Variants in SLC25A42 observed in about 807,000 individuals in gnomAD.
The protein encoded by SLC25A42 is solute carrier family 25 member 42.
In SLC25A42, 19 loss-of-function variants were observed where a neutral mutation model predicts 34.7. The ratio of observed to expected loss-of-function variants is 0.55; its 90% confidence interval spans 0.38 to 0.80. SLC25A42 has a LOEUF of 0.80. Ranked by LOEUF, SLC25A42 falls within the 30% of genes least tolerant of loss-of-function variation. The pLI is 0.00. For missense variants in SLC25A42, 364 were observed against 441.3 expected, an observed-to-expected ratio of 0.82 and a Z score of 1.57; for synonymous variants, 205 against 191.2, an observed-to-expected ratio of 1.07 and a Z score of -0.59.
rs921741892 is a variant in SLC25A42, at chr19:19,112,922, G to GC, written c.*2053dup. 1.3e-4 allele frequency: 20 copies of GC among 149,426 alleles called. No individual in the cohort carries two copies. Among genetic ancestry groups the GC allele is most frequent in the African/African-American group, 2.5e-4 (10 of 40,120 alleles). 9.3% of individuals were successfully genotyped at this position (149,426 alleles called of 1,614,324 possible). ...TCCTGGCTCTTCTTTGGCTCTGACC[G>GC]CCCCCCCATCTTCCCCCATGAACCC... is the stretch of plus-strand genomic sequence containing the variant. On this transcript the variant is annotated 3_prime_UTR_variant, in exon 8 of 8. Transcript: ENST00000318596. The surrounding 1 kb of genome is among the most constrained non-coding windows in gnomAD (Gnocchi z 4.3).
chr19:19,092,191 C>G (rs1294904731), intron 1 of SLC25A42, among the ~76,000 whole-genome samples: 2 of 152,234 alleles, frequency 1.3e-5, no homozygotes, highest in Non-Finnish European at 2.9e-5. Context: ...AGGGCCCACC[C>G]TAACCCTCAT....
rs191722093 is a variant in SLC25A42 at position 19,107,355 on chromosome 19, G to A, written c.498-539G>A. ...CAAAAAAAGTGTAAGAATAGAGGCC[G>A]AGCATGGTGGCTCACGCCTGTAATT... is the stretch of plus-strand genomic sequence containing the variant. On this transcript the variant is annotated intron_variant, in intron 6 of 7. Transcript: ENST00000318596. Among the ~76,000 whole-genome samples the A allele has an allele frequency of 4.7e-3, 717 of 151,540 alleles. 8 individuals carry two copies. Among genetic ancestry groups the A allele is most frequent in the Middle Eastern group, 0.017 (5 of 288 alleles).
chr19:19,106,207 G>C, intron 5 of SLC25A42, 62 bp from the exon 6 acceptor site: 1 of 1,412,510 alleles, frequency 7.1e-7, no homozygotes. Context: ...GCTCCAGGCT[G>C]GGCCTCTGTG....
chr19:19,108,072 G>T (rs756118117), intron 7 of SLC25A42, 27 bp downstream of exon 7: 1 of 1,530,220 alleles, frequency 6.5e-7, no homozygotes, highest in South Asian at 1.3e-5. Flanking sequence ...GCATGAGGAG[G>T]GGACGTTCAG....
chr19:19,092,653 C>A (rs957801157), intron 1 of SLC25A42, among the ~76,000 whole-genome samples: 2 of 152,208 alleles, frequency 1.3e-5, no homozygotes, highest in African/African-American at 4.8e-5. Flanking sequence ...GAGGGACCCC[C>A]TTCGGCCAGG....
chr19:19,066,644 G>T (rs2059604138), intron 1 of SLC25A42, among the ~76,000 whole-genome samples: 1 of 151,696 alleles, frequency 6.6e-6, no homozygotes, highest in African/African-American at 2.4e-5. Context: ...GTAGAGACGG[G>T]GTTTCACTGT....
At chr19:19,078,630 C>T (rs889564876) in intron 1 of SLC25A42, among the ~76,000 whole-genome samples, 1 of 152,166 alleles carries the variant, frequency 6.6e-6, no homozygotes, top group Non-Finnish European at 1.5e-5. Flanking sequence ...ATACGAATGT[C>T]CAGCAGCTAA....
chr19:19,101,657 TACTC>T, intron 2 of SLC25A42, 120 bp from the exon 3 acceptor site: 3 of 779,920 alleles, frequency 3.8e-6, no homozygotes. Flanking sequence ...AAGGCCAACA[TACTC>T]AGGGTGGGGT....
intron 3 of SLC25A42, among the ~76,000 whole-genome samples, chr19:19,104,084 CTTTTT>C (rs928562586): frequency 6.6e-6 from 1 of 151,640 alleles, no homozygotes; most frequent in Non-Finnish European, 1.5e-5. Context: ...TTTTTTTGTA[CTTTTT>C]TTTAGTAGAG....
intron 1 of SLC25A42, among the ~76,000 whole-genome samples, chr19:19,064,605 G>T (rs2059591501): frequency 6.6e-6 from 1 of 150,644 alleles, no homozygotes; most frequent in Non-Finnish European, 1.5e-5. Flanking sequence ...TCATATCCAG[G>T]TATCTGCTCG....
intron 2 of SLC25A42, among the ~76,000 whole-genome samples, chr19:19,100,437 T>C (rs562557028): frequency 8.5e-5 from 13 of 152,228 alleles, no homozygotes; most frequent in Non-Finnish European, 1.6e-4. Context: ...TGCCATCTCC[T>C]TTCTCTTCTC....
At chr19:19,078,184 T>C (rs1453361849) in intron 1 of SLC25A42, among the ~76,000 whole-genome samples, 2 of 152,042 alleles carry the variant, frequency 1.3e-5, no homozygotes, top group African/African-American at 2.4e-5. Context: ...AGGTGTGGCT[T>C]GTAGGAATCT....
chr19:19,107,814 G>A, intron 6 of SLC25A42, 80 bp from the exon 7 acceptor site: 1 of 1,516,998 alleles, frequency 6.6e-7, no homozygotes, highest in East Asian at 2.3e-5. Context: ...CCGGCTTCGG[G>A]AGGAGCCGAG....
intron 1 of SLC25A42, among the ~76,000 whole-genome samples, chr19:19,084,731 A>G (rs952166454): frequency 1.3e-5 from 2 of 152,090 alleles, no homozygotes; most frequent in Non-Finnish European, 2.9e-5. Flanking sequence ...GGTGCAGGTC[A>G]CCTGGGGGAA....
At chr19:19,089,538 AT>A (rs778905257) in intron 1 of SLC25A42, among the ~76,000 whole-genome samples, 9 of 134,802 alleles carry the variant, frequency 6.7e-5, no homozygotes, top group African/African-American at 1.6e-4. Context: ...AAAAAAAATA[AT>A]AATAATAATA....
chr19:19,106,532 A>G (rs950894830), intron 6 of SLC25A42, 147 bp downstream of exon 6: 8 of 582,582 alleles, frequency 1.4e-5, no homozygotes, highest in African/African-American at 1.3e-4. Context: ...GTCATTCTGC[A>G]GCTGTTCCAG....
chr19:19,105,778 C>G, intron 5 of SLC25A42, 51 bp downstream of exon 5: 2 of 1,444,298 alleles, frequency 1.4e-6, no homozygotes, highest in Non-Finnish European at 1.9e-6. Flanking sequence ...ACGCCCGCCC[C>G]TCTCTCTTTC....
Position 19,106,401 on chromosome 19 carries a change from G to T in SLC25A42, c.497+16G>T, listed in dbSNP as rs775050844. The T allele has an allele frequency of 1.3e-6, 2 of 1,596,966 alleles. No individual in the cohort carries two copies. The highest frequency in any genetic ancestry group is 8.6e-7 in the Non-Finnish European group (1 of 1,167,212). On this transcript the variant is annotated intron_variant, in intron 6 of 7. Coordinates refer to ENST00000318596, the MANE Select transcript of SLC25A42 (RefSeq NM_178526.5). ...CGAAGGAAATGTGAGTCCTTACATC[G>T]GTGATGCGCATCAGCCCCGGGGGCT...
rs116516273 is a variant in SLC25A42, at chr19:19,111,315, G to A, written c.*439G>A. The A allele has an allele frequency of 6.7e-3, 1,193 of 177,206 alleles. 12 individuals carry two copies. Among genetic ancestry groups the A allele is most frequent in the African/African-American group, 0.028 (1,151 of 41,854 alleles). 11.0% of individuals were successfully genotyped at this position (177,206 alleles called of 1,614,324 possible). On this transcript the variant is annotated 3_prime_UTR_variant, in exon 8 of 8. Transcript: ENST00000318596. ...CGTGCCTGCCCGGCCTCCAGGGTGC[G>A]GGGGCGCCTTTCTTGCAGGCGGACC... is the stretch of plus-strand genomic sequence containing the variant.
Sources: allele counts gnomAD v4.1 joint callset (sites outside exome capture counted in the v4.1 genomes callset), GRCh38; gene constraint gnomAD v4.1.1; non-coding constraint Gnocchi (gnomAD v3.1); transcripts MANE v1.5; gene names NCBI Gene and HGNC (gene_info 2026-07-23, HGNC 2026-07-21).